PPARGC1A: variants seen among roughly 807,000 people sequenced by gnomAD.
PPARGC1A encodes PPARG coactivator 1 alpha.
Under a neutral mutation model 88.7 loss-of-function variants are expected in PPARGC1A, and 25 were observed. The ratio of observed to expected loss-of-function variants is 0.28; its 90% CI spans 0.21 to 0.39. The LOEUF (loss-of-function observed/expected upper bound fraction) is 0.39, where lower values mean the gene tolerates loss of function less well. Among genes scored for constraint, PPARGC1A ranks in the 10% least tolerant of loss-of-function variants. PPARGC1A has a pLI of 1.00. For synonymous variants in PPARGC1A, 363 were observed against 355.6 expected (o/e 1.02, Z -0.24); for missense variants, 880 against 968.7 (o/e 0.91, Z 1.22).
At chr4:24,180,635 A>G in the PPARGC1A span, among the ~76,000 whole-genome samples, 2 of 152,114 alleles carry the variant, frequency 1.3e-5, no homozygotes, top group Admixed American at 6.6e-5. Context: ...GGCAGCTACT[A>G]TTTTATTGGT....
the PPARGC1A span, among the ~76,000 whole-genome samples, chr4:24,460,115 A>G: frequency 6.6e-6 from 1 of 152,226 alleles, no homozygotes; most frequent in African/African-American, 2.4e-5. Flanking sequence ...ACTTGACAGA[A>G]TTGGTTACAG....
the PPARGC1A span, among the ~76,000 whole-genome samples, chr4:24,123,558 C>T: frequency 1.3e-5 from 2 of 151,880 alleles, no homozygotes; most frequent in Non-Finnish European, 2.9e-5. Context: ...TCGTTCTTGT[C>T]GGGACTGAGG....
At chr4:23,971,096 A>T in the PPARGC1A span, among the ~76,000 whole-genome samples, 2 of 152,180 alleles carry the variant, frequency 1.3e-5, no homozygotes, top group African/African-American at 4.8e-5. Context: ...AGCTAGACCC[A>T]GGTTAATTCT....
chr4:23,845,925 C>A (rs1247158186), intron 2 of PPARGC1A, among the ~76,000 whole-genome samples: 1 of 152,146 alleles, frequency 6.6e-6, no homozygotes, highest in African/African-American at 2.4e-5. Flanking sequence ...ATACTTCACA[C>A]TGAATCAATT....
chr4:23,924,354 G>A, the PPARGC1A span, among the ~76,000 whole-genome samples: 2 of 152,214 alleles, frequency 1.3e-5, no homozygotes, highest in Admixed American at 6.5e-5. Context: ...TAGGCCAGGC[G>A]TGGTGCCTCG....
At chr4:24,394,671 C>T in the PPARGC1A span, among the ~76,000 whole-genome samples, 3 of 152,160 alleles carry the variant, frequency 2.0e-5, no homozygotes, top group Admixed American at 6.5e-5. Flanking sequence ...CATACTGCTC[C>T]GTCCTTTACA....
chr4:23,999,735 C>T, the PPARGC1A span, among the ~76,000 whole-genome samples: 3 of 152,132 alleles, frequency 2.0e-5, no homozygotes, highest in Admixed American at 2.0e-4. Context: ...GGCTATCTGA[C>T]GATCTTTTCC....
At chr4:23,809,461 G>T (rs953477620) in intron 10 of PPARGC1A, among the ~76,000 whole-genome samples, 19 of 151,976 alleles carry the variant, frequency 1.3e-4, no homozygotes. Context: ...CCAATTAAAC[G>T]ACTAGTAGTT....
chr4:24,075,696 C>T, the PPARGC1A span, among the ~76,000 whole-genome samples: 22 of 152,194 alleles, frequency 1.4e-4, no homozygotes, highest in Admixed American at 9.2e-4. Flanking sequence ...AAAGGGAATT[C>T]CCCTGTGCAT....
the PPARGC1A span, among the ~76,000 whole-genome samples, chr4:24,449,532 A>G: frequency 6.6e-6 from 1 of 152,224 alleles, no homozygotes. Flanking sequence ...CATCAAAGCC[A>G]AGGCTCTAGG....
chr4:24,088,216 T>C, the PPARGC1A span, among the ~76,000 whole-genome samples: 2 of 151,554 alleles, frequency 1.3e-5, no homozygotes. Flanking sequence ...ATTAGCCAGA[T>C]GTGAGGTGTA....
At chr4:24,225,432 G>A in the PPARGC1A span, among the ~76,000 whole-genome samples, 1 of 152,048 alleles carries the variant, frequency 6.6e-6, no homozygotes. Flanking sequence ...AGCCGGGCGT[G>A]GTGGCAGGCG....
chr4:24,413,475 C>T, the PPARGC1A span, among the ~76,000 whole-genome samples: 2 of 152,190 alleles, frequency 1.3e-5, no homozygotes, highest in African/African-American at 4.8e-5. Context: ...GAGACAAAAT[C>T]GCCACAGGCA....
At chr4:24,337,537 G>T in the PPARGC1A span, among the ~76,000 whole-genome samples, 30 of 152,252 alleles carry the variant, frequency 2.0e-4, no homozygotes, top group African/African-American at 5.1e-4. Flanking sequence ...CAGGTCCTCC[G>T]AGAGGAGCCC....
At chr4:24,166,024 G>A in the PPARGC1A span, among the ~76,000 whole-genome samples, 1 of 152,202 alleles carries the variant, frequency 6.6e-6, no homozygotes, top group Non-Finnish European at 1.5e-5. Context: ...GGCAAGTTGT[G>A]AATGCAGAGG....
chr4:24,391,519 T>TA, the PPARGC1A span, among the ~76,000 whole-genome samples: 24 of 152,226 alleles, frequency 1.6e-4, no homozygotes, highest in Middle Eastern at 6.8e-3. Context: ...ATGCTGATTT[T>TA]AAAAAAGAAA....
intron 12 of PPARGC1A, among the ~76,000 whole-genome samples, chr4:23,796,903 G>A (rs1467094207): frequency 1.3e-5 from 2 of 151,530 alleles, no homozygotes; most frequent in East Asian, 1.9e-4. Flanking sequence ...TTACAAAATC[G>A]AAATGGTCAA....
chr4:24,002,567 TC>T, the PPARGC1A span, among the ~76,000 whole-genome samples: 1 of 150,628 alleles, frequency 6.6e-6, no homozygotes, highest in Non-Finnish European at 1.5e-5. Flanking sequence ...CCTGGCATAA[TC>T]CCAGCGTTAA....
At chr4:23,900,993 C>A (rs994870016), upstream of PPARGC1A, among the ~76,000 whole-genome samples, 1 of 151,942 alleles carries the variant, frequency 6.6e-6, no homozygotes, top group Non-Finnish European at 1.5e-5. Context: ...GGGAGGCTGA[C>A]GTGGGTAGAT....
Sources: allele counts gnomAD v4.1 joint callset (sites outside exome capture counted in the v4.1 genomes callset), GRCh38; gene constraint gnomAD v4.1.1; transcripts MANE v1.5; gene names NCBI Gene and HGNC (gene_info 2026-07-23, HGNC 2026-07-21).